DMXL2: variants seen among roughly 807,000 people sequenced by gnomAD.
DMXL2 encodes the protein Dmx like 2, also known as dmX-like protein 2.
Under a neutral mutation model 331.1 loss-of-function variants are expected in DMXL2, and 103 were observed. The observed-to-expected ratio is 0.31, with a 90% CI of 0.27 to 0.37. The LOEUF (loss-of-function observed/expected upper bound fraction) is 0.37, where lower values mean the gene tolerates loss of function less well. Ranked by LOEUF, DMXL2 falls within the 10% of genes least tolerant of loss-of-function variation. DMXL2 has a pLI of 1.00. For missense variants in DMXL2, 3,171 were observed against 3,642.9 expected (o/e 0.87, Z 3.33); for synonymous variants, 1,281 against 1,252.1 (o/e 1.02, Z -0.49).
Position 51,453,584 on chromosome 15 carries a change from G to A in DMXL2, c.8662C>T (p.Leu2888=). 2 of 1,613,686 alleles carry A rather than the reference G, an allele frequency of 1.2e-6. No homozygotes were observed. The highest frequency in any genetic ancestry group is 1.7e-6 in the Non-Finnish European group (2 of 1,179,846). ...SDFAFITSSS[L]VATSGHSNDN... ...TTGGAGTGTCCAGATGTGGCAACTA[G>A]ACTTGAAGAGGTAATAAATGCAAAG... Residue 2888 remains leucine (L), a synonymous_variant, in exon 41 of 44, where the codon CTA becomes TTA. Transcript: ENST00000560891.
intron 2 of DMXL2, among the ~76,000 whole-genome samples, chr15:51,572,536 A>G (rs1595571182): frequency 1.3e-5 from 2 of 152,232 alleles, no homozygotes; most frequent in South Asian, 2.1e-4. Context: ...AAAATCCTCA[A>G]TAAAATACTG....
At chr15:51,617,379 C>G (rs1026129126) in intron 1 of DMXL2, among the ~76,000 whole-genome samples, 19 of 152,114 alleles carry the variant, frequency 1.2e-4, no homozygotes, top group African/African-American at 4.3e-4. Context: ...TGCCAAGGAC[C>G]AAAACCTAAT....
intron 32 of DMXL2, 76 bp downstream of exon 32, chr15:51,464,599 A>G: frequency 8.2e-7 from 1 of 1,216,214 alleles, no homozygotes; most frequent in Non-Finnish European, 1.2e-6. Context: ...TTTAAAGTAT[A>G]TTGGCATATT....
chr15:51,478,471 G>A (rs1199001177), intron 25 of DMXL2, 124 bp from the exon 26 acceptor site: 2 of 739,612 alleles, frequency 2.7e-6, no homozygotes, highest in Non-Finnish European at 2.3e-6. Context: ...TCCTAGATGA[G>A]ACTACTAACT....
intron 1 of DMXL2, among the ~76,000 whole-genome samples, chr15:51,580,789 C>T (rs1164926872): frequency 1.3e-5 from 2 of 151,208 alleles, no homozygotes; most frequent in African/African-American, 4.9e-5. Context: ...GTAGCATAAG[C>T]TGTTACATCC....
At chr15:51,597,407 A>C (rs2052902619) in intron 1 of DMXL2, among the ~76,000 whole-genome samples, 2 of 152,128 alleles carry the variant, frequency 1.3e-5, no homozygotes, top group African/African-American at 4.8e-5. Flanking sequence ...TCCCCTCTGA[A>C]CTTTATGTAA....
chr15:51,546,341 T>C lies in DMXL2; in HGVS notation c.747-575A>G, dbSNP rs2048889053. Among the ~76,000 whole-genome samples the C allele has an allele frequency of 2.6e-5, 4 of 152,104 alleles. No individual in the cohort carries two copies. The South Asian group carries it at 8.3e-4, about 31-fold the overall frequency. ...AAAAATCATTCTCCCTTTAAAAAAATGCTCACACAGAATCTAAGTCAAAAG... is the reference window on the plus strand; with the variant it reads ...AAAAATCATTCTCCCTTTAAAAAAACGCTCACACAGAATCTAAGTCAAAAG... On this transcript the variant is annotated intron_variant, in intron 7 of 43. Transcript: ENST00000560891.
chr15:51,521,503 A>C (rs2047380982), intron 13 of DMXL2, among the ~76,000 whole-genome samples: 1 of 151,080 alleles, frequency 6.6e-6, no homozygotes, highest in African/African-American at 2.4e-5. Context: ...CATTTTTTTC[A>C]GGTTAAATAA....
At chr15:51,456,959 C>T (rs1323532506) in intron 37 of DMXL2, among the ~76,000 whole-genome samples, 1 of 152,034 alleles carries the variant, frequency 6.6e-6, no homozygotes, top group African/African-American at 2.4e-5. Flanking sequence ...ATCACTTGAG[C>T]CCAGGAGTTC....
At chr15:51,552,167 C>T (rs2049263293) in intron 6 of DMXL2, among the ~76,000 whole-genome samples, 1 of 152,120 alleles carries the variant, frequency 6.6e-6, no homozygotes, top group African/African-American at 2.4e-5. Flanking sequence ...TGGAGAGGCA[C>T]GGAAGGGCCA....
At chr15:51,592,208 A>C (rs1030001856) in intron 1 of DMXL2, among the ~76,000 whole-genome samples, 1 of 152,210 alleles carries the variant, frequency 6.6e-6, no homozygotes, top group African/African-American at 2.4e-5. Flanking sequence ...TAACCAATGC[A>C]GAGAAGTCCT....
rs578244585 is a variant in DMXL2, at chr15:51,539,359, T to C, written c.1106-907A>G. 1.1e-4 allele frequency among the ~76,000 whole-genome samples: 16 copies of C among 152,342 alleles called. No individual in the cohort carries two copies. In the South Asian group the frequency reaches 3.3e-3, roughly 32 times the overall value. On this transcript the variant is annotated intron_variant, in intron 9 of 43. Transcript: ENST00000560891. ...GAATATAAAAGTATTAACTGTACTA[T>C]TCTTCCAACTTTTCTCAGTGTTTGA...
At chr15:51,618,967 C>T (rs1294471467) in intron 1 of DMXL2, among the ~76,000 whole-genome samples, 2 of 152,124 alleles carry the variant, frequency 1.3e-5, no homozygotes, top group Admixed American at 6.5e-5. Flanking sequence ...ATAGTAACTG[C>T]CCCTATACAT....
Position 51,517,864 on chromosome 15 carries a change from T to G in DMXL2, c.2437-697A>C, listed in dbSNP as rs757303868. Among the ~76,000 whole-genome samples, 76 of 152,080 alleles carry G rather than the reference T, an allele frequency of 5.0e-4. 1 individual carries two copies. The highest frequency in any genetic ancestry group is 1.4e-3 in the Admixed American group (22 of 15,264). On this transcript the variant is annotated intron_variant, in intron 13 of 43. Transcript: ENST00000560891. ...ATAAGTACAAGCATATACACTGGAG[T>G]TGTAGAAACTTTCTTATTTGTATCA...
chr15:51,538,179 T>C (rs970411681), intron 10 of DMXL2, 34 bp downstream of exon 10: 6 of 1,582,562 alleles, frequency 3.8e-6, no homozygotes, highest in Non-Finnish European at 5.2e-6. Context: ...CTGTTAACTT[T>C]GGAGTAAGTA....
intron 6 of DMXL2, among the ~76,000 whole-genome samples, chr15:51,549,213 T>G (rs2049059402): frequency 6.6e-6 from 1 of 152,176 alleles, no homozygotes; most frequent in Non-Finnish European, 1.5e-5. Context: ...ATACGATGTT[T>G]GGTTTTCCAT....
Position 51,476,719 on chromosome 15 carries a change from GC to G in DMXL2, c.6834-1del. ...TAAACTGATTTCCTTCTGTTTGACT[GC>G]TAAAACAAATAGGTTCAGTTATTTA... On this transcript the variant is annotated splice_acceptor_variant, in intron 26 of 43. Coordinates refer to ENST00000560891, the MANE Select transcript of DMXL2 (RefSeq NM_001378457.1). LOFTEE classifies it high-confidence loss of function. The G allele has an allele frequency of 6.3e-7, 1 of 1,594,090 alleles. No individual in the cohort carries two copies. Among genetic ancestry groups the G allele is most frequent in the Non-Finnish European group, 8.5e-7 (1 of 1,174,890 alleles).
chr15:51,543,270 A>G (rs757654401), intron 8 of DMXL2, among the ~76,000 whole-genome samples: 6 of 152,142 alleles, frequency 3.9e-5, no homozygotes, highest in Non-Finnish European at 8.8e-5. Context: ...GTTTCATAAT[A>G]ATTTTTTATT....
chr15:51,563,366 T>G lies in DMXL2; in HGVS notation c.567+15A>C. On this transcript the variant is annotated intron_variant, in intron 6 of 43. Coordinates refer to ENST00000560891, the MANE Select transcript of DMXL2 (RefSeq NM_001378457.1). ...TTTATTTGTTTATTTCGTATGTTTTTGTTTGATCCTTTACCTTTCCAGCAG... is the reference window on the plus strand; with the variant it reads ...TTTATTTGTTTATTTCGTATGTTTTGGTTTGATCCTTTACCTTTCCAGCAG... 1 of 1,569,646 alleles carries G rather than the reference T, an allele frequency of 6.4e-7. No homozygotes were observed. The highest frequency in any genetic ancestry group is 8.7e-7 in the Non-Finnish European group (1 of 1,149,220).
Sources: allele counts gnomAD v4.1 joint callset (sites outside exome capture counted in the v4.1 genomes callset), GRCh38; gene constraint gnomAD v4.1.1; transcripts MANE v1.5; gene names NCBI Gene and HGNC (gene_info 2026-07-23, HGNC 2026-07-21).